SMAP2: variants seen among roughly 807,000 people sequenced by gnomAD.
SMAP2 encodes the protein small ArfGAP2.
SMAP2 carries 25 observed loss-of-function variants against 56.4 expected under a neutral mutation model. That is an observed-to-expected ratio of 0.44 (90% confidence interval 0.32 to 0.62). The LOEUF (loss-of-function observed/expected upper bound fraction) is 0.62. SMAP2 is among the 20% of genes least tolerant of loss of function. The pLI, the probability that SMAP2 is intolerant of heterozygous loss-of-function variation, is 0.04. For synonymous variants in SMAP2, 157 were observed against 181.7 expected (o/e 0.86, Z 1.09); for missense variants, 388 against 545.6 (o/e 0.71, Z 2.88).
chr1:40,381,706 C>G (rs1394165496), intron 1 of SMAP2, among the ~76,000 whole-genome samples: 1 of 152,094 alleles, frequency 6.6e-6, no homozygotes, highest in African/African-American at 2.4e-5. Context: ...ATGCACTGTG[C>G]TTTAGACTTC....
chr1:40,364,581 A>G (rs1644474018), intron 2 of SMAP2, among the ~76,000 whole-genome samples: 1 of 152,234 alleles, frequency 6.6e-6, no homozygotes, highest in Admixed American at 6.5e-5. Flanking sequence ...TGTCTCTACA[A>G]AAAATACACA....
At chr1:40,350,270 GAACA>G (rs986480828) in intron 1 of SMAP2, among the ~76,000 whole-genome samples, 36 of 152,176 alleles carry the variant, frequency 2.4e-4, no homozygotes, top group African/African-American at 8.4e-4. Flanking sequence ...TACCCAAACA[GAACA>G]AACAGGACAT....
At chr1:40,401,788 A>T (rs1644836806) in intron 1 of SMAP2, among the ~76,000 whole-genome samples, 1 of 152,282 alleles carries the variant, frequency 6.6e-6, no homozygotes, top group African/African-American at 2.4e-5. Flanking sequence ...CCCTAGAGAA[A>T]CTTGTCAAAA....
intron 5 of SMAP2, among the ~76,000 whole-genome samples, chr1:40,413,325 T>C (rs182362562): frequency 6.6e-6 from 1 of 152,178 alleles, no homozygotes; most frequent in Non-Finnish European, 1.5e-5. Flanking sequence ...AGATGAGAAC[T>C]CAGGAAATGC....
intron 1 of SMAP2, chr1:40,375,827 C>G: frequency 3.1e-5 from 1 of 32,606 alleles, no homozygotes; most frequent in Non-Finnish European, 3.9e-5. Context: ...GTGACTAGAA[C>G]CCCCCCCCCC....
chr1:40,414,311 G>A, intron 6 of SMAP2, 71 bp downstream of exon 6: 1 of 1,390,884 alleles, frequency 7.2e-7, no homozygotes, highest in Middle Eastern at 1.8e-4. Context: ...CTGGAAGATA[G>A]GTAGAGATGG....
chr1:40,400,731 A>G (rs976830593), intron 1 of SMAP2, among the ~76,000 whole-genome samples: 1 of 152,226 alleles, frequency 6.6e-6, no homozygotes, highest in African/African-American at 2.4e-5. Flanking sequence ...GCACCAATTT[A>G]CATATTTACC....
In SMAP2 at chr1:40,416,971, A is replaced by G. The variant is rs1358109149; in HGVS notation, c.1039A>G (p.Met347Val). 1.2e-6 allele frequency: 2 copies of G among 1,614,046 alleles called. No homozygotes were observed. The highest frequency in any genetic ancestry group is 1.7e-6 in the Non-Finnish European group (2 of 1,179,994). The change falls in exon 9 of 10, where the codon ATG (methionine) becomes GTG (valine). Residue 347 changes from methionine (M) to valine (V), a missense_variant. Transcript: ENST00000372718. ...AGYMGGMQAS[M>V]MGVPNGMMTT... ...CTATATGGGTGGCATGCAGGCATCA[A>G]TGATGGGTGTGCCGAATGGAATGAT...
In SMAP2 at chr1:40,421,872, T is replaced by C. The variant is rs549941837; in HGVS notation, c.1165-104T>C. 1.5e-5 allele frequency: 21 copies of C among 1,358,052 alleles called. 1 individual carries two copies. In the South Asian group the frequency reaches 2.5e-4, roughly 16 times the overall value. 84.1% of individuals were successfully genotyped at this position (1,358,052 alleles called of 1,614,324 possible). A position where few individuals can be genotyped will look rare whatever the true frequency, so the allele number is the denominator to read the frequency against. On this transcript the variant is annotated intron_variant, in intron 9 of 9. Coordinates refer to ENST00000372718, the MANE Select transcript of SMAP2 (RefSeq NM_022733.3). ...GTCCATAACAGAGTTTCCCTTTGTCTCATTCTCCCCATCCTGGCAGAGAAA... is the reference window on the plus strand; with the variant it reads ...GTCCATAACAGAGTTTCCCTTTGTCCCATTCTCCCCATCCTGGCAGAGAAA...
chr1:40,359,413 ATAAG>A lies in SMAP2; in HGVS notation c.-82-2881_-82-2878del, dbSNP rs561780930. ...CCACCGCACCCCTATTTGTGTCTTT[ATAAG>A]TAAGTTTCTTGTATGCAACAGATCA... On this transcript the variant is annotated intron_variant, in intron 1 of 6. Coordinates refer to the SMAP2 transcript ENST00000435168. 3.3e-3 allele frequency among the ~76,000 whole-genome samples: 498 copies of A among 152,254 alleles called. 2 individuals carry two copies. Among genetic ancestry groups the A allele is most frequent in the Non-Finnish European group, 5.4e-3 (369 of 68,010 alleles).
In SMAP2 at chr1:40,416,868, C is replaced by T. The variant is rs776995414; in HGVS notation, c.936C>T (p.Ser312=). Residue 312 remains serine, a synonymous_variant, in exon 9 of 10, where the codon AGC becomes AGT. Transcript: ENST00000372718. ...CACCTCCTAACAGCATAATGGGGAG[C>T]ATGATGCCTCCACCAGTAGGCATGG... ...GVTPPNSIMG[S]MMPPPVGMVA... is the part of the protein sequence containing the mutation. 7 of 1,614,092 alleles carry T rather than the reference C, an allele frequency of 4.3e-6. No homozygotes were observed. In the Admixed American group the frequency reaches 5.0e-5, roughly 12 times the overall value.
At chr1:40,416,436 G>A in intron 8 of SMAP2, 95 bp downstream of exon 8, 1 of 1,408,710 alleles carries the variant, frequency 7.1e-7, no homozygotes, top group Non-Finnish European at 9.7e-7. Context: ...GTTGCTTTGG[G>A]GGCCAGGATG....
At chr1:40,387,910 C>G (rs921862545) in intron 1 of SMAP2, among the ~76,000 whole-genome samples, 1 of 150,172 alleles carries the variant, frequency 6.7e-6, no homozygotes, top group Non-Finnish European at 1.5e-5. Context: ...GCTGGAGTTC[C>G]GGGTGGGCAT....
chr1:40,388,512 ACT>A (rs1569863409), intron 1 of SMAP2, among the ~76,000 whole-genome samples: 1 of 151,608 alleles, frequency 6.6e-6, no homozygotes, highest in East Asian at 1.9e-4. Flanking sequence ...TTGTGTGGAC[ACT>A]CTGTATCTAG....
chr1:40,396,901 C>G, intron 1 of SMAP2: 2 of 969,508 alleles, frequency 2.1e-6, no homozygotes, highest in Non-Finnish European at 2.5e-6. Flanking sequence ...GTAACTGGCA[C>G]TAGATTTGTT....
chr1:40,380,720 G>A (rs1644590100), intron 1 of SMAP2, among the ~76,000 whole-genome samples: 1 of 151,898 alleles, frequency 6.6e-6, no homozygotes, highest in South Asian at 2.1e-4. Flanking sequence ...TAGTAGAGAG[G>A]GGTTTCATCA....
intron 1 of SMAP2, among the ~76,000 whole-genome samples, chr1:40,400,120 C>T (rs911291404): frequency 1.3e-5 from 2 of 152,148 alleles, no homozygotes; most frequent in African/African-American, 4.8e-5. Context: ...CTGCAAGTGG[C>T]ATTTGGCAGT....
intron 1 of SMAP2, among the ~76,000 whole-genome samples, chr1:40,405,613 G>A (rs558938975): frequency 6.6e-6 from 1 of 152,334 alleles, no homozygotes; most frequent in East Asian, 1.9e-4. Context: ...TAGAAAATCA[G>A]TGTCTTTTCA....
chr1:40,377,553 G>A (rs1644552525), intron 1 of SMAP2, among the ~76,000 whole-genome samples: 1 of 152,190 alleles, frequency 6.6e-6, no homozygotes, highest in Non-Finnish European at 1.5e-5. Context: ...GGGTTAATGT[G>A]ACTTTTAGGG....
Sources: allele counts gnomAD v4.1 joint callset (sites outside exome capture counted in the v4.1 genomes callset), GRCh38; gene constraint gnomAD v4.1.1; transcripts MANE v1.5; gene names NCBI Gene and HGNC (gene_info 2026-07-23, HGNC 2026-07-21).